GLT6D1: variants seen among roughly 807,000 people sequenced by gnomAD.
GLT6D1 encodes glycosyltransferase 6 domain containing 1, also known as putative glycosyltransferase 6 domain-containing protein 1.
A neutral mutation model predicts 12.3 loss-of-function variants in GLT6D1; 9 were observed. That is an observed-to-expected ratio of 0.73 (90% CI 0.44 to 1.27). GLT6D1 has a LOEUF of 1.27. Among genes scored for constraint, GLT6D1 ranks in the 50% most tolerant of loss-of-function variants. The probability of loss-of-function intolerance (pLI) is 0.00; values close to 1 mark genes in which losing one functional copy is unlikely to be tolerated. For missense variants in GLT6D1, 335 were observed against 346.2 expected (o/e 0.97, Z 0.26); for synonymous variants, 128 against 132.3 (o/e 0.97, Z 0.23).
intron 4 of GLT6D1, among the ~76,000 whole-genome samples, 189 bp downstream of exon 4, chr9:135,625,880 T>C (rs1245885368): frequency 6.6e-6 from 1 of 152,226 alleles, no homozygotes; most frequent in Non-Finnish European, 1.5e-5. Flanking sequence ...AGTCTCACTT[T>C]CACTGTTCTC....
In GLT6D1 at chr9:135,624,050, G is replaced by T; in HGVS notation, c.*47C>A. 1 of 1,184,956 alleles carries T rather than the reference G, an allele frequency of 8.4e-7. No homozygotes were observed. Among genetic ancestry groups the T allele is most frequent in the Non-Finnish European group, 1.2e-6 (1 of 808,044 alleles). 73.4% of individuals were successfully genotyped at this position (1,184,956 alleles called of 1,614,324 possible). On this transcript the variant is annotated 3_prime_UTR_variant, in exon 5 of 5. Transcript: ENST00000371763. ...TGCGACCTTGACGTATTGGATCTGT[G>T]GAGGAGGAGAAAATGCAAGATCCCA...
At chr9:135,640,056 G>A (rs1026684140), upstream of GLT6D1, among the ~76,000 whole-genome samples, 81 of 152,084 alleles carry the variant, frequency 5.3e-4, no homozygotes, top group East Asian at 5.8e-4. Flanking sequence ...CAGGTGATCC[G>A]CCCACCTCAG....
intron 2 of GLT6D1, among the ~76,000 whole-genome samples, chr9:135,638,106 C>A (rs534813732): frequency 4.6e-5 from 7 of 152,282 alleles, no homozygotes; most frequent in African/African-American, 1.7e-4. Context: ...GCCTCAGAAT[C>A]ATGGCAGGAG....
chr9:135,623,802 T>C lies in GLT6D1; in HGVS notation c.*295A>G, dbSNP rs7870923. The C allele has an allele frequency of 0.87, 234,777 of 271,338 alleles. 101,856 individuals carry two copies. Among genetic ancestry groups the C allele is most frequent in the Admixed American group, 0.91 (18,876 of 20,792 alleles). 16.8% of individuals were successfully genotyped at this position (271,338 alleles called of 1,614,324 possible). On this transcript the variant is annotated 3_prime_UTR_variant, in exon 5 of 5. Transcript: ENST00000371763. Reference sequence around the variant, plus strand: ...CAATACATAGATAATAACATTACTGTGTATTAACATTAAGTAATTATCCTT... The same window carrying C: ...CAATACATAGATAATAACATTACTGCGTATTAACATTAAGTAATTATCCTT...
chr9:135,639,738 T>G (rs1348879341), upstream of GLT6D1, among the ~76,000 whole-genome samples: 2 of 152,178 alleles, frequency 1.3e-5, no homozygotes, highest in Non-Finnish European at 2.9e-5. Context: ...TGCCTGAGCT[T>G]GTGTTGGAGG....
At chr9:135,638,975 T>G in intron 2 of GLT6D1, 142 bp downstream of exon 2, 2 of 495,210 alleles carry the variant, frequency 4.0e-6, no homozygotes, top group East Asian at 3.6e-5. Context: ...AAGGCTGCAG[T>G]GAGCTAATAT....
At position 135,639,080 on chromosome 9, in the gene GLT6D1, C is replaced by T. The variant is rs759257582; in HGVS notation, c.71+37G>A. On this transcript the variant is annotated intron_variant, in intron 2 of 4. Transcript: ENST00000371763. ...TTAAATTAAAACCACCTCTGCCAAT[C>T]ACTAAAGATCATGATTTATCAATAC... 4 of 1,115,326 alleles carry T rather than the reference C, an allele frequency of 3.6e-6. No homozygotes were observed. In the African/African-American group the frequency reaches 6.3e-5, roughly 17 times the overall value. 69.1% of individuals were successfully genotyped at this position (1,115,326 alleles called of 1,614,324 possible). A position where few individuals can be genotyped will look rare whatever the true frequency, so the allele number is the denominator to read the frequency against.
chr9:135,637,165 T>C lies in GLT6D1; in HGVS notation c.71+1952A>G, dbSNP rs560996327. On this transcript the variant is annotated intron_variant, in intron 2 of 4. Transcript: ENST00000371763. ...CCGTGCCCGGCCAGCTCATTTCTTT[T>C]TACTGTTGGGTGTTATTCCGTTGCA... 3.3e-5 allele frequency among the ~76,000 whole-genome samples: 5 copies of C among 151,952 alleles called. No homozygotes were observed. In the East Asian group the frequency reaches 9.7e-4, roughly 29 times the overall value.
chr9:135,631,327 C>G (rs1190150352), intron 3 of GLT6D1, 104 bp downstream of exon 3: 1 of 882,322 alleles, frequency 1.1e-6, no homozygotes, highest in African/African-American at 1.7e-5. Flanking sequence ...ATTCTGGAAA[C>G]GTCCCAGGAG....
At chr9:135,631,158 G>A (rs1833636486) in intron 3 of GLT6D1, among the ~76,000 whole-genome samples, 1 of 152,178 alleles carries the variant, frequency 6.6e-6, no homozygotes, top group Non-Finnish European at 1.5e-5. Context: ...GTCATCAGTG[G>A]CATATTCAAG....
chr9:135,640,778 T>C (rs1655532664), upstream of GLT6D1, among the ~76,000 whole-genome samples: 1 of 152,130 alleles, frequency 6.6e-6, no homozygotes, highest in Non-Finnish European at 1.5e-5. Context: ...TATATTTCTA[T>C]GGGGCAGTTC....
intron 3 of GLT6D1, among the ~76,000 whole-genome samples, chr9:135,626,571 G>A (rs770862268): frequency 2.6e-5 from 4 of 152,184 alleles, no homozygotes; most frequent in African/African-American, 4.8e-5. Context: ...TTAGGCAGCC[G>A]GGAGTCAGAA....
chr9:135,640,661 A>T (rs1331845246), upstream of GLT6D1, among the ~76,000 whole-genome samples: 2 of 152,042 alleles, frequency 1.3e-5, no homozygotes, highest in African/African-American at 2.4e-5. Context: ...CGGAGGTTGC[A>T]GTGAGCCAAG....
At chr9:135,631,553 C>T (rs1324409056) in intron 2 of GLT6D1, 75 bp from the exon 3 acceptor site, 6 of 1,175,492 alleles carry the variant, frequency 5.1e-6, no homozygotes, top group South Asian at 1.2e-5. Flanking sequence ...AGGCAGGCCC[C>T]GTTTGGTGTT....
chr9:135,639,294 T>TC lies in GLT6D1; in HGVS notation c.-9_-8insG. On this transcript the variant is annotated splice_region_variant and 5_prime_UTR_variant, in exon 1 of 5. Coordinates refer to ENST00000371763, the MANE Select transcript of GLT6D1 (RefSeq NM_182974.3). ...AATGTATGGGCATTGGACACCAACC[T>TC]TAGAGGTTGCTTCTAGAATGTTCAG... is the stretch of plus-strand genomic sequence containing the variant. 1.6e-6 allele frequency: 1 copy of TC among 622,720 alleles called. No individual in the cohort carries two copies. The highest frequency in any genetic ancestry group is 2.8e-6 in the Non-Finnish European group (1 of 356,382). The allele number at this position is 622,720 out of a possible 1,614,324, so 38.6% of individuals were successfully genotyped here.
At chr9:135,638,164 C>T (rs191433189) in intron 2 of GLT6D1, among the ~76,000 whole-genome samples, 1 of 152,206 alleles carries the variant, frequency 6.6e-6, no homozygotes, top group Non-Finnish European at 1.5e-5. Context: ...ATGAGAAAGA[C>T]GGAAAAGTGG....
intron 2 of GLT6D1, among the ~76,000 whole-genome samples, chr9:135,636,440 G>T (rs1300691240): frequency 1.3e-5 from 2 of 152,178 alleles, no homozygotes; most frequent in Non-Finnish European, 2.9e-5. Context: ...CAGTGGGATT[G>T]TTCTGTACAT....
At chr9:135,637,335 A>T (rs1426211434) in intron 2 of GLT6D1, among the ~76,000 whole-genome samples, 1 of 149,916 alleles carries the variant, frequency 6.7e-6, no homozygotes, top group East Asian at 1.9e-4. Context: ...GCATTTATGA[A>T]TAGAGTTTCT....
intron 2 of GLT6D1, among the ~76,000 whole-genome samples, chr9:135,638,291 G>A (rs1253323338): frequency 2.0e-5 from 3 of 152,208 alleles, no homozygotes; most frequent in Non-Finnish European, 2.9e-5. Flanking sequence ...CACAACACGT[G>A]GGAATTCTGG....
Sources: gnomAD v4.1 joint callset for allele counts (sites outside exome capture counted in the v4.1 genomes callset) on GRCh38, gnomAD v4.1.1 for gene constraint, MANE v1.5 for transcripts, NCBI Gene and HGNC (gene_info 2026-07-23, HGNC 2026-07-21) for gene names.